The following KLF17 variants were observed in gnomAD, a reference collection of about 807,000 sequenced individuals.
The protein encoded by KLF17 is KLF transcription factor 17.
A neutral mutation model predicts 34.2 loss-of-function variants in KLF17; 31 were observed. The observed-to-expected ratio is 0.91, with a 90% confidence interval of 0.68 to 1.22. KLF17 has a LOEUF of 1.22. Among genes scored for constraint, KLF17 ranks in the 50% most tolerant of loss-of-function variants. The pLI is 0.00. For missense variants in KLF17, 478 were observed against 505.2 expected (o/e 0.95, Z 0.52); for synonymous variants, 179 against 186.7 (o/e 0.96, Z 0.34).
At chr1:44,073,752 G>A in the KLF17 span, among the ~76,000 whole-genome samples, 2 of 152,084 alleles carry the variant, frequency 1.3e-5, no homozygotes, top group Admixed American at 1.3e-4. Flanking sequence ...CTGGCTTCCT[G>A]TTTCACTTCC....
chr1:44,084,188 G>A, the KLF17 span, among the ~76,000 whole-genome samples: 4,329 of 152,268 alleles, frequency 0.028, 84 homozygotes, highest in Middle Eastern at 0.054. Flanking sequence ...CATTTTGGTC[G>A]ATACATTTTA....
At chr1:44,121,415 G>A (rs1453194347) in intron 1 of KLF17, among the ~76,000 whole-genome samples, 4 of 152,182 alleles carry the variant, frequency 2.6e-5, no homozygotes, top group Admixed American at 6.5e-5. Flanking sequence ...ACGCCCAGCC[G>A]ATAATTCCTT....
the KLF17 span, chr1:44,103,223 T>C: frequency 3.1e-6 from 2 of 641,636 alleles, no homozygotes; most frequent in East Asian, 2.7e-5. Context: ...TCCCGTTCCC[T>C]GTGCTCCCCT....
chr1:44,071,626 C>T, the KLF17 span, among the ~76,000 whole-genome samples: 1 of 152,140 alleles, frequency 6.6e-6, no homozygotes, highest in African/African-American at 2.4e-5. Flanking sequence ...CACTTCCCTC[C>T]ACTTTCATGG....
At chr1:44,082,345 A>T in the KLF17 span, among the ~76,000 whole-genome samples, 1 of 152,252 alleles carries the variant, frequency 6.6e-6, no homozygotes, top group South Asian at 2.1e-4. Context: ...GCTATTGGCC[A>T]CAGGAACTAA....
chr1:44,121,636 T>C (rs1050844038), intron 1 of KLF17, among the ~76,000 whole-genome samples: 1 of 152,232 alleles, frequency 6.6e-6, no homozygotes, highest in Non-Finnish European at 1.5e-5. Flanking sequence ...AATGTTCCTT[T>C]CCGATATATC....
chr1:44,089,239 CCAGATG>C, the KLF17 span, among the ~76,000 whole-genome samples: 3 of 152,082 alleles, frequency 2.0e-5, no homozygotes, highest in Non-Finnish European at 4.4e-5. Context: ...ATTGGATTCT[CCAGATG>C]CAGATGCTGA....
the KLF17 span, among the ~76,000 whole-genome samples, chr1:44,062,240 A>G: frequency 6.6e-6 from 1 of 152,234 alleles, no homozygotes; most frequent in Non-Finnish European, 1.5e-5. Flanking sequence ...CAAAATTGTA[A>G]TCGAATGTAT....
the KLF17 span, among the ~76,000 whole-genome samples, chr1:44,092,488 T>TA: frequency 6.6e-5 from 10 of 152,112 alleles, no homozygotes; most frequent in South Asian, 4.1e-4. Context: ...AGAACCAAAA[T>TA]AGTTCAAGTG....
At chr1:44,051,773 C>G in the KLF17 span, among the ~76,000 whole-genome samples, 1 of 152,144 alleles carries the variant, frequency 6.6e-6, no homozygotes, top group Non-Finnish European at 1.5e-5. Context: ...AGGCAGGACA[C>G]TTGGCCATGC....
At chr1:44,053,383 G>A in the KLF17 span, among the ~76,000 whole-genome samples, 2 of 152,140 alleles carry the variant, frequency 1.3e-5, no homozygotes, top group Admixed American at 6.5e-5. Context: ...ATCAGGTATT[G>A]TAGATGACCT....
chr1:44,048,676 G>GT, the KLF17 span, among the ~76,000 whole-genome samples: 1 of 152,072 alleles, frequency 6.6e-6, no homozygotes, highest in Non-Finnish European at 1.5e-5. Context: ...TAAATAAATT[G>GT]TTTTATTATT....
chr1:44,083,825 G>A, the KLF17 span, among the ~76,000 whole-genome samples: 7 of 150,280 alleles, frequency 4.7e-5, no homozygotes, highest in African/African-American at 1.7e-4. Context: ...GGCACAAGAA[G>A]CTGCCATGCC....
rs1165611077 is a variant in KLF17 at position 44,133,666 on chromosome 1, G to A, written c.*429G>A. The A allele has an allele frequency of 1.3e-5, 2 of 152,348 alleles. No homozygotes were observed. Among genetic ancestry groups the A allele is most frequent in the South Asian group, 4.1e-4 (2 of 4,836 alleles). The allele number at this position is 152,348 out of a possible 1,614,324, so 9.4% of individuals were successfully genotyped here. On this transcript the variant is annotated 3_prime_UTR_variant, in exon 4 of 4. Coordinates refer to ENST00000372299, the MANE Select transcript of KLF17 (RefSeq NM_173484.4). ...AGAAGCCGGTCCTCTGCAGGCTCAA[G>A]CCTATCTGGGCCTCTGGGGAAGCCC... is the stretch of plus-strand genomic sequence containing the variant.
At chr1:44,081,730 T>A in the KLF17 span, among the ~76,000 whole-genome samples, 1 of 152,166 alleles carries the variant, frequency 6.6e-6, no homozygotes, top group Non-Finnish European at 1.5e-5. Flanking sequence ...CTCCCCATGG[T>A]AGTCTTGTTT....
At chr1:44,098,654 C>T in the KLF17 span, among the ~76,000 whole-genome samples, 1 of 150,034 alleles carries the variant, frequency 6.7e-6, no homozygotes, top group Non-Finnish European at 1.5e-5. Flanking sequence ...GGGTTCACGC[C>T]ATTCTCCTGC....
chr1:44,087,275 G>C, the KLF17 span, among the ~76,000 whole-genome samples: 11 of 152,076 alleles, frequency 7.2e-5, no homozygotes, highest in East Asian at 1.6e-3. Context: ...TTTATTTTGA[G>C]ATAAGGTCTT....
At chr1:44,099,237 C>T in the KLF17 span, among the ~76,000 whole-genome samples, 2 of 150,990 alleles carry the variant, frequency 1.3e-5, no homozygotes, top group Non-Finnish European at 2.9e-5. Context: ...AACCCCGTCT[C>T]CACAAACAAT....
chr1:44,066,511 C>CCA, the KLF17 span, among the ~76,000 whole-genome samples: 2 of 151,850 alleles, frequency 1.3e-5, no homozygotes, highest in Admixed American at 1.3e-4. Context: ...CAGGAAAGAG[C>CCA]CACCATGCCT....
Sources: gnomAD v4.1 joint callset for allele counts (sites outside exome capture counted in the v4.1 genomes callset) on GRCh38, gnomAD v4.1.1 for gene constraint, MANE v1.5 for transcripts, NCBI Gene and HGNC (gene_info 2026-07-23, HGNC 2026-07-21) for gene names.